Variants in AOAH observed in about 807,000 individuals in gnomAD.
AOAH encodes acyloxyacyl hydrolase.
In AOAH, 64 loss-of-function variants were observed where a neutral mutation model predicts 92.2. The observed-to-expected ratio is 0.69, with a 90% confidence interval of 0.57 to 0.86. AOAH has a LOEUF of 0.86. Ranked by LOEUF, AOAH falls within the 40% of genes least tolerant of loss-of-function variation. The pLI is 0.00. For synonymous variants in AOAH, 263 were observed against 254.5 expected (o/e 1.03, Z -0.32); for missense variants, 656 against 694.6 (o/e 0.94, Z 0.62).
At chr7:36,637,250 T>A (rs984995397) in intron 5 of AOAH, among the ~76,000 whole-genome samples, 3 of 152,210 alleles carry the variant, frequency 2.0e-5, no homozygotes, top group Non-Finnish European at 4.4e-5. Context: ...TGGTAAGTCC[T>A]AGCCAAGATC....
In AOAH at chr7:36,659,258, C is replaced by A; in HGVS notation, c.298G>T (p.Ala100Ser). ...FGSDIIKLLS[A>S]DMNADVVCHT... ...CATACCACATCAGCATTCATATCTG[C>A]GCTAAGCCTGGAGGGAAACGGTGCA... The change falls in exon 4 of 21, where the codon GCA becomes TCA. Residue 100 changes from alanine (A) to serine (S), a missense_variant. Coordinates refer to ENST00000617537, the MANE Select transcript of AOAH (RefSeq NM_001637.4). The A allele has an allele frequency of 6.2e-7, 1 of 1,613,852 alleles. No individual in the cohort carries two copies. Among genetic ancestry groups the A allele is most frequent in the East Asian group, 2.2e-5 (1 of 44,882 alleles).
chr7:36,522,790 C>T (rs536614194), intron 19 of AOAH, among the ~76,000 whole-genome samples: 36 of 152,284 alleles, frequency 2.4e-4, no homozygotes, highest in African/African-American at 6.3e-4. Context: ...AGGAAGCCTC[C>T]GGAGAGCAGC....
chr7:36,537,116 G>A lies in AOAH; in HGVS notation c.1306+3203C>T, dbSNP rs1031501902. Reference sequence around the variant, plus strand: ...TTTCTAGGAAAGACCCTGATGCTTCGTTGAGAAATGTATAATTTATTTCCC... The same window carrying A: ...TTTCTAGGAAAGACCCTGATGCTTCATTGAGAAATGTATAATTTATTTCCC... On this transcript the variant is annotated intron_variant, in intron 16 of 20. Transcript: ENST00000617537. Among the ~76,000 whole-genome samples, 17 of 152,124 alleles carry A rather than the reference G, an allele frequency of 1.1e-4. No homozygotes were observed. The East Asian group carries it at 3.1e-3, about 28-fold the overall frequency.
intron 13 of AOAH, among the ~76,000 whole-genome samples, chr7:36,568,205 G>A (rs79730070): frequency 0.088 from 13,454 of 152,214 alleles, 708 homozygotes; most frequent in Admixed American, 0.14. Flanking sequence ...GGTTTGTTAT[G>A]CAGATTTAAG....
chr7:36,675,602 A>T (rs1052080815), intron 2 of AOAH, among the ~76,000 whole-genome samples: 2 of 152,238 alleles, frequency 1.3e-5, no homozygotes, highest in East Asian at 3.8e-4. Context: ...ATTTATCAAG[A>T]ATTCTTCCAA....
chr7:36,577,734 T>C (rs550775420), intron 12 of AOAH, among the ~76,000 whole-genome samples: 3 of 152,346 alleles, frequency 2.0e-5, no homozygotes, highest in Admixed American at 1.3e-4. Context: ...TGTTATGTTC[T>C]CTAAACTTTC....
At chr7:36,585,995 T>C (rs1369582422) in intron 12 of AOAH, among the ~76,000 whole-genome samples, 4 of 152,186 alleles carry the variant, frequency 2.6e-5, no homozygotes, top group Admixed American at 2.0e-4. Context: ...TTTGTCAATA[T>C]ATGGCAGGGA....
intron 13 of AOAH, among the ~76,000 whole-genome samples, chr7:36,559,192 A>G (rs1356807604): frequency 6.6e-6 from 1 of 152,204 alleles, no homozygotes; most frequent in African/African-American, 2.4e-5. Flanking sequence ...GCTATTGTGA[A>G]TAGTGTTGTG....
chr7:36,589,076 C>T (rs761305891), intron 12 of AOAH, among the ~76,000 whole-genome samples: 1 of 152,062 alleles, frequency 6.6e-6, no homozygotes, highest in East Asian at 1.9e-4. Context: ...CTGATTGCTG[C>T]CCTGTTTTTC....
intron 3 of AOAH, among the ~76,000 whole-genome samples, chr7:36,664,345 G>T (rs903780292): frequency 3.3e-5 from 5 of 152,114 alleles, no homozygotes; most frequent in Non-Finnish European, 7.4e-5. Context: ...ATGTCCATTT[G>T]TTCCAACACC....
chr7:36,678,456 G>A (rs1796397733), intron 2 of AOAH, among the ~76,000 whole-genome samples: 1 of 152,146 alleles, frequency 6.6e-6, no homozygotes, highest in African/African-American at 2.4e-5. Flanking sequence ...CTAGAGCAGA[G>A]CAATTTAAAA....
At chr7:36,653,650 C>T (rs147806198) in intron 4 of AOAH, among the ~76,000 whole-genome samples, 171 of 152,318 alleles carry the variant, frequency 1.1e-3, no homozygotes, top group African/African-American at 4.0e-3. Context: ...GGTCTCCCTG[C>T]CACCCAGCAG....
intron 5 of AOAH, among the ~76,000 whole-genome samples, chr7:36,635,799 A>ATAACT (rs922818099): frequency 2.0e-5 from 3 of 152,214 alleles, no homozygotes; most frequent in African/African-American, 7.2e-5. Context: ...GGGTGAGCAC[A>ATAACT]TAACTTAACC....
rs557910155 is a variant in AOAH at position 36,669,206 on chromosome 7, A to C, written c.290+4737T>G. On this transcript the variant is annotated intron_variant, in intron 3 of 20. Coordinates refer to ENST00000617537, the MANE Select transcript of AOAH (RefSeq NM_001637.4). ...ACATTACTTTCAAAGGAGGTTTTAT[A>C]TACAAATTGTAGTCACAGAGATCCC... 3.3e-5 allele frequency among the ~76,000 whole-genome samples: 5 copies of C among 152,306 alleles called. No homozygotes were observed. In the East Asian group the frequency reaches 9.6e-4, roughly 29 times the overall value.
intron 4 of AOAH, among the ~76,000 whole-genome samples, chr7:36,642,972 G>T (rs923221065): frequency 1.3e-5 from 2 of 152,304 alleles, no homozygotes; most frequent in South Asian, 4.1e-4. Flanking sequence ...AGATAATAGC[G>T]TTGTGAGGAT....
At chr7:36,568,383 G>T (rs917925326) in intron 13 of AOAH, among the ~76,000 whole-genome samples, 12 of 152,112 alleles carry the variant, frequency 7.9e-5, no homozygotes, top group African/African-American at 2.9e-4. Flanking sequence ...TAATCCTTAT[G>T]CCAAAAAGGC....
intron 1 of AOAH, among the ~76,000 whole-genome samples, chr7:36,713,632 C>T (rs553824191): frequency 5.3e-5 from 8 of 152,328 alleles, no homozygotes; most frequent in Admixed American, 3.9e-4. Context: ...AACTGTCTCT[C>T]AGACCACAGT....
intron 6 of AOAH, among the ~76,000 whole-genome samples, chr7:36,630,222 G>C (rs1175814175): frequency 6.6e-6 from 1 of 152,206 alleles, no homozygotes; most frequent in East Asian, 1.9e-4. Context: ...ATTAATTTCT[G>C]TTGTTCTAAG....
intron 4 of AOAH, among the ~76,000 whole-genome samples, chr7:36,657,688 A>G (rs183177331): frequency 6.6e-6 from 1 of 152,326 alleles, no homozygotes; most frequent in East Asian, 1.9e-4. Context: ...GCTGGGGTAG[A>G]AGGTGGCGGT....
Sources: gnomAD v4.1 joint callset for allele counts (sites outside exome capture counted in the v4.1 genomes callset) on GRCh38, gnomAD v4.1.1 for gene constraint, MANE v1.5 for transcripts, NCBI Gene and HGNC (gene_info 2026-07-23, HGNC 2026-07-21) for gene names.